DNAH6: variants seen among roughly 807,000 people sequenced by gnomAD.
DNAH6 encodes dynein axonemal heavy chain 6, also known as axonemal beta dynein heavy chain 6.
Under a neutral mutation model 491.4 loss-of-function variants are expected in DNAH6, and 340 were observed. The observed-to-expected ratio is 0.69, with a 90% CI of 0.63 to 0.76. The LOEUF is 0.76. DNAH6 is among the 30% of genes least tolerant of loss of function. DNAH6 has a pLI of 0.00. For synonymous variants in DNAH6, 1,603 were observed against 1,686.1 expected, an observed-to-expected ratio of 0.95 and a Z score of 1.21; for missense variants, 4,443 against 4,972.2, an observed-to-expected ratio of 0.89 and a Z score of 3.20.
Position 84,637,199 on chromosome 2 carries a change from T to C in DNAH6, c.4654-11T>C, listed in dbSNP as rs531745459. On this transcript the variant is annotated splice_polypyrimidine_tract_variant and intron_variant, in intron 30 of 76. Transcript: ENST00000389394. Reference sequence around the variant, plus strand: ...TGGAAGAGTGTTAACTTATATTTTATCTTCGAACAGCTCTCTAGATTCATG... The same window carrying C: ...TGGAAGAGTGTTAACTTATATTTTACCTTCGAACAGCTCTCTAGATTCATG... The C allele has an allele frequency of 6.6e-6, 10 of 1,525,812 alleles. No homozygotes were observed. The East Asian group carries it at 9.9e-5, about 15-fold the overall frequency. 94.5% of individuals were successfully genotyped at this position (1,525,812 alleles called of 1,614,324 possible). A position where few individuals can be genotyped will look rare whatever the true frequency, so the allele number is the denominator to read the frequency against.
chr2:84,660,353 C>A (rs116350808), intron 37 of DNAH6, among the ~76,000 whole-genome samples: 1 of 152,042 alleles, frequency 6.6e-6, no homozygotes, highest in Non-Finnish European at 1.5e-5. Context: ...GATCATAACC[C>A]TTTTAGTAAA....
At position 84,593,955 on chromosome 2, in the gene DNAH6, T is replaced by C. The variant is rs1300796231; in HGVS notation, c.2611-17T>C. 15 of 1,456,286 alleles carry C rather than the reference T, an allele frequency of 1.0e-5. No homozygotes were observed. Among genetic ancestry groups the C allele is most frequent in the Non-Finnish European group, 1.3e-5 (14 of 1,066,180 alleles). The allele number at this position is 1,456,286 out of a possible 1,614,324, so 90.2% of individuals were successfully genotyped here. A position where few individuals can be genotyped will look rare whatever the true frequency, so the allele number is the denominator to read the frequency against. The stretch of plus-strand genomic sequence containing the variant: ...CTGAAAACTAAATTACGCATTTTGT[T>C]TACTACATTTTTAAAGGTAGAAGTG... On this transcript the variant is annotated splice_polypyrimidine_tract_variant and intron_variant, in intron 16 of 76. Transcript: ENST00000389394.
At chr2:84,795,455 T>C (rs1044435142) in intron 68 of DNAH6, among the ~76,000 whole-genome samples, 10 of 151,886 alleles carry the variant, frequency 6.6e-5, no homozygotes, top group African/African-American at 2.4e-4. Flanking sequence ...GATTAATAAA[T>C]TGGAAAATAA....
At chr2:84,703,596 TTC>T in intron 50 of DNAH6, 34 bp downstream of exon 50, 1 of 1,518,532 alleles carries the variant, frequency 6.6e-7, no homozygotes, top group Non-Finnish European at 8.8e-7. Context: ...TGGAAAAGGC[TTC>T]TGTCAGCAAC....
chr2:84,482,423 A>G, the DNAH6 span, among the ~76,000 whole-genome samples: 22 of 152,370 alleles, frequency 1.4e-4, no homozygotes, highest in Non-Finnish European at 2.5e-4. Flanking sequence ...GATCTTCCTG[A>G]AAGTGAAATA....
At chr2:84,499,471 C>T in the DNAH6 span, among the ~76,000 whole-genome samples, 1 of 152,210 alleles carries the variant, frequency 6.6e-6, no homozygotes, top group East Asian at 1.9e-4. Context: ...GCTTCCACAT[C>T]TTATCTATTG....
At chr2:84,533,532 G>T (rs920848134) in intron 4 of DNAH6, among the ~76,000 whole-genome samples, 2 of 152,100 alleles carry the variant, frequency 1.3e-5, no homozygotes, top group African/African-American at 4.8e-5. Flanking sequence ...GAATTATAGT[G>T]TATATGGCGA....
intron 28 of DNAH6, 22 bp from the exon 29 acceptor site, chr2:84,624,880 G>A (rs778430278): frequency 3.3e-6 from 5 of 1,530,106 alleles, no homozygotes; most frequent in Non-Finnish European, 3.5e-6. Context: ...CCTTCATATT[G>A]ATAATGCATT....
chr2:84,491,569 G>A, the DNAH6 span, among the ~76,000 whole-genome samples: 32 of 152,222 alleles, frequency 2.1e-4, no homozygotes, highest in Non-Finnish European at 3.4e-4. Flanking sequence ...CTTTTTTGCC[G>A]TAAAGGGACA....
At chr2:84,482,685 A>G in the DNAH6 span, among the ~76,000 whole-genome samples, 13 of 152,238 alleles carry the variant, frequency 8.5e-5, no homozygotes, top group Non-Finnish European at 1.5e-4. Flanking sequence ...CTTGGGGCAG[A>G]CGTGGTTGTG....
chr2:84,690,800 G>A lies in DNAH6; in HGVS notation c.7292+2207G>A, dbSNP rs559215419. ...CAAACACCTAATGCTGATTAGCAATGGAAAGGTCTTTGTTATGAAAGTGAG... is the reference window on the plus strand; with the variant it reads ...CAAACACCTAATGCTGATTAGCAATAGAAAGGTCTTTGTTATGAAAGTGAG... On this transcript the variant is annotated intron_variant, in intron 45 of 76. Transcript: ENST00000389394. 2.0e-5 allele frequency among the ~76,000 whole-genome samples: 3 copies of A among 152,332 alleles called. No individual in the cohort carries two copies. In the South Asian group the frequency reaches 6.2e-4, roughly 32 times the overall value.
At chr2:84,598,128 T>TTTCC (rs1342818237) in intron 18 of DNAH6, among the ~76,000 whole-genome samples, 6 of 4,862 alleles carry the variant, frequency 1.2e-3, no homozygotes, top group Non-Finnish European at 3.5e-3. Flanking sequence ...CTATCTTTCT[T>TTTCC]TTCTTTCTTT....
At chr2:84,533,622 G>A (rs1677390869) in intron 4 of DNAH6, among the ~76,000 whole-genome samples, 2 of 152,104 alleles carry the variant, frequency 1.3e-5, no homozygotes, top group Admixed American at 1.3e-4. Context: ...TCATGTATTA[G>A]TGGGCATATC....
At position 84,808,461 on chromosome 2, in the gene DNAH6, T is replaced by A; in HGVS notation, c.11658T>A (p.Asp3886Glu). Residue 3886 changes from aspartate (D) to glutamate (E), a missense_variant, in exon 72 of 77, where the codon GAT becomes GAA. Asp to Glu is a conservative substitution (Grantham distance 45, BLOSUM62 2). This residue lies in a region of DNAH6 where 1,463 missense variants were observed against 1,656.6 expected (regional missense o/e 0.88). Transcript: ENST00000389394. ...CTTCTGAGAGCCTTTTTGTCAAGGA[T>A]CTTCAAGGACGTCTGAACTCCTTGA... ...EGASESLFVK[D>E]LQGRLNSLTT... 1 of 1,546,832 alleles carries A rather than the reference T, an allele frequency of 6.5e-7. No homozygotes were observed. Among genetic ancestry groups the A allele is most frequent in the Non-Finnish European group, 8.7e-7 (1 of 1,145,794 alleles).
Position 84,718,219 on chromosome 2 carries a change from T to C in DNAH6, c.9627T>C (p.Leu3209=). The C allele has an allele frequency of 6.5e-7, 1 of 1,533,032 alleles. No homozygotes were observed. The highest frequency in any genetic ancestry group is 8.8e-7 in the Non-Finnish European group (1 of 1,139,474). 95.0% of individuals were successfully genotyped at this position (1,533,032 alleles called of 1,614,324 possible). A position where few individuals can be genotyped will look rare whatever the true frequency, so the allele number is the denominator to read the frequency against. ...TTGGTTTTAGTGATGTGGTGCGACT[T>C]GAAAAACCCAGGTTGGAAGAACAAA... ...EDQLLSDVVR[L]EKPRLEEQRI... is the part of the protein sequence containing the mutation. Residue 3209 remains leucine, a synonymous_variant, in exon 59 of 77, where the codon CTT becomes CTC. Coordinates refer to ENST00000389394, the MANE Select transcript of DNAH6 (RefSeq NM_001370.2).
intron 70 of DNAH6, among the ~76,000 whole-genome samples, chr2:84,800,466 C>T (rs980749770): frequency 1.3e-5 from 2 of 152,102 alleles, no homozygotes; most frequent in Non-Finnish European, 1.5e-5. Flanking sequence ...CAAGGAAACT[C>T]AATGAGATCC....
intron 18 of DNAH6, among the ~76,000 whole-genome samples, chr2:84,597,836 C>T (rs1459861496): frequency 6.6e-6 from 1 of 152,106 alleles, no homozygotes; most frequent in Non-Finnish European, 1.5e-5. Context: ...AAACATGATG[C>T]TGGACTAGGT....
At chr2:84,715,404 G>T (rs999456121) in intron 57 of DNAH6, among the ~76,000 whole-genome samples, 156 bp from the exon 58 acceptor site, 2 of 152,184 alleles carry the variant, frequency 1.3e-5, no homozygotes, top group African/African-American at 2.4e-5. Context: ...GATTTTATAA[G>T]CCACAGTACA....
At chr2:84,797,499 A>T in intron 69 of DNAH6, 38 bp from the exon 70 acceptor site, 1 of 1,542,130 alleles carries the variant, frequency 6.5e-7, no homozygotes, top group Admixed American at 2.0e-5. Context: ...AAGCCAGTCT[A>T]TTTGAGACAT....
Sources: allele counts gnomAD v4.1 joint callset (sites outside exome capture counted in the v4.1 genomes callset), GRCh38; gene constraint gnomAD v4.1.1; regional missense constraint gnomAD v4.1.1; transcripts MANE v1.5; gene names NCBI Gene and HGNC (gene_info 2026-07-23, HGNC 2026-07-21).